APC2: variants seen among roughly 807,000 people sequenced by gnomAD.
APC2 encodes adenomatous polyposis coli protein 2.
A neutral mutation model predicts 72.5 loss-of-function variants in APC2; 41 were observed. That is an observed-to-expected ratio of 0.57 (90% confidence interval 0.44 to 0.73). APC2 has a LOEUF of 0.73. Among genes scored for constraint, APC2 ranks in the 30% least tolerant of loss-of-function variants. APC2 has a pLI of 0.00. For synonymous variants in APC2, 1,898 were observed against 1,612.0 expected (o/e 1.18, Z -4.25); for missense variants, 3,729 against 3,403.4 (o/e 1.10, Z -2.38).
At chr19:1,461,607 C>T in intron 13 of APC2, 1 of 319,368 alleles carries the variant, frequency 3.1e-6, no homozygotes, top group Non-Finnish European at 5.8e-6. Flanking sequence ...AATCCCAGCA[C>T]TTTGGGAGGC....
chr19:1,448,977 G>A (rs934640153), upstream of APC2, among the ~76,000 whole-genome samples: 1 of 152,216 alleles, frequency 6.6e-6, no homozygotes, highest in African/African-American at 2.4e-5. Flanking sequence ...CAGCCAGGCC[G>A]AAGGGCTCTC....
Position 1,466,354 on chromosome 19 carries a change from G to A in APC2, c.3053G>A (p.Gly1018Glu). The change falls in exon 15 of 15, where the codon GGG (glycine) becomes GAG (glutamate). Residue 1018 changes from glycine (G) to glutamate (E), a missense_variant. Physicochemically the swap from Gly to Glu is moderately conservative, Grantham distance 98. Transcript: ENST00000590469. ...AGGGCGGGTGCAGAGCCCCTCGCGG[G>A]GCCTGGAATCTCTCCAGGGGCCCGG... ...ASRAGAEPLA[G>E]PGISPGARKQ... The A allele has an allele frequency of 3.2e-6, 5 of 1,565,146 alleles. No homozygotes were observed. Among genetic ancestry groups the A allele is most frequent in the Non-Finnish European group, 4.3e-6 (5 of 1,158,646 alleles).
At chr19:1,457,400 C>A in intron 9 of APC2, 157 bp downstream of exon 9, 2 of 1,157,024 alleles carry the variant, frequency 1.7e-6, no homozygotes, top group Non-Finnish European at 2.3e-6. Flanking sequence ...GGGCATTTGA[C>A]GTTGGGAAAA....
At position 1,467,432 on chromosome 19, in the gene APC2, GCCCGCC is replaced by G. The variant is rs1041698755; in HGVS notation, c.4134_4139del (p.Pro1382_Ala1383del). 44 of 1,480,166 alleles carry G rather than the reference GCCCGCC, an allele frequency of 3.0e-5. No individual in the cohort carries two copies. Among genetic ancestry groups the G allele is most frequent in the Non-Finnish European group, 3.1e-5 (35 of 1,119,914 alleles). The allele number at this position is 1,480,166 out of a possible 1,614,324, so 91.7% of individuals were successfully genotyped here. A position where few individuals can be genotyped will look rare whatever the true frequency, so the allele number is the denominator to read the frequency against. On this transcript the variant is annotated inframe_deletion, in exon 15 of 15. Coordinates refer to ENST00000590469, the MANE Select transcript of APC2 (RefSeq NM_005883.3). ...TCCCCGTGCCCGTCTACATGTTGGT[GCCCGCC>G]CCGGCCCCGGCCCAGGAGGACGACT... is the stretch of plus-strand genomic sequence containing the variant.
In APC2 at chr19:1,460,834, T is replaced by C; in HGVS notation, c.1498T>C (p.Ser500Pro). 3 of 1,613,158 alleles carry C rather than the reference T, an allele frequency of 1.9e-6. No homozygotes were observed. The highest frequency in any genetic ancestry group is 2.2e-5 in the East Asian group (1 of 44,876). The change falls in exon 12 of 15, where the codon TCC becomes CCC. Residue 500 changes from serine to proline, a missense_variant. Transcript: ENST00000590469. ...CMEAIVAQLA[S>P]DSEELHQVVS... is the part of the protein sequence containing the mutation. ...GGAGGCCATCGTGGCCCAGCTGGCCTCCGACAGTGAGGAGCTCCACCAGGT... is the reference window on the plus strand; with the variant it reads ...GGAGGCCATCGTGGCCCAGCTGGCCCCCGACAGTGAGGAGCTCCACCAGGT...
At chr19:1,459,452 A>G (rs1390725548) in intron 10 of APC2, among the ~76,000 whole-genome samples, 1 of 152,112 alleles carries the variant, frequency 6.6e-6, no homozygotes, top group Non-Finnish European at 1.5e-5. Flanking sequence ...TTGTCCTCCT[A>G]TGGATGCTCT....
chr19:1,469,822 C>A lies in APC2; in HGVS notation c.6521C>A (p.Pro2174His), dbSNP rs575190796. Residue 2174 changes from proline to histidine, a missense_variant, in exon 15 of 15, where the codon CCC becomes CAC. Coordinates refer to ENST00000590469, the MANE Select transcript of APC2 (RefSeq NM_005883.3). ...ATALPLRGST[P>H]EDAPAGPPPR... is the part of the protein sequence containing the mutation. ...GCCCTGCCACTGCGGGGCTCCACGC[C>A]CGAGGACGCCCCGGCCGGGCCCCCG... 4.1e-5 allele frequency: 62 copies of A among 1,521,448 alleles called. No individual in the cohort carries two copies. In the African/African-American group the frequency reaches 8.7e-4, roughly 21 times the overall value. The allele number at this position is 1,521,448 out of a possible 1,614,324, so 94.2% of individuals were successfully genotyped here. A position where few individuals can be genotyped will look rare whatever the true frequency, so the allele number is the denominator to read the frequency against.
chr19:1,458,183 G>A, intron 10 of APC2, 123 bp downstream of exon 10: 1 of 864,414 alleles, frequency 1.2e-6, no homozygotes. Flanking sequence ...AGCCCGGAGA[G>A]GGACAGACTC....
At position 1,469,795 on chromosome 19, in the gene APC2, C is replaced by T. The variant is rs1310446439; in HGVS notation, c.6494C>T (p.Thr2165Met). The part of the protein sequence containing the change: ...PHILRSTLPA[T>M]ALPLRGSTPE... ...ATCCTGCGCAGCACGCTTCCCGCCA[C>T]GGCCCTGCCACTGCGGGGCTCCACG... The change falls in exon 15 of 15, where the codon ACG (threonine) becomes ATG (methionine). Residue 2165 changes from threonine to methionine, a missense_variant. Coordinates refer to ENST00000590469, the MANE Select transcript of APC2 (RefSeq NM_005883.3). The T allele has an allele frequency of 2.8e-5, 43 of 1,520,818 alleles. No individual in the cohort carries two copies. In the Admixed American group the frequency reaches 8.2e-4, roughly 29 times the overall value. The allele number at this position is 1,520,818 out of a possible 1,614,324, so 94.2% of individuals were successfully genotyped here.
At position 1,470,327 on chromosome 19, in the gene APC2, C is replaced by A. The variant is rs1009577447; in HGVS notation, c.*114C>A. 10 of 1,344,726 alleles carry A rather than the reference C, an allele frequency of 7.4e-6. No homozygotes were observed. The highest frequency in any genetic ancestry group is 9.7e-6 in the Non-Finnish European group (10 of 1,031,924). 83.3% of individuals were successfully genotyped at this position (1,344,726 alleles called of 1,614,324 possible). A position where few individuals can be genotyped will look rare whatever the true frequency, so the allele number is the denominator to read the frequency against. On this transcript the variant is annotated 3_prime_UTR_variant, in exon 15 of 15. Transcript: ENST00000590469. ...TAGGTCGCCCCAGGGCCTCTGCCCA[C>A]CCGAGCCCCACCACTCTCAGAACCC...
At chr19:1,458,407 G>A in intron 10 of APC2, 1 of 268,506 alleles carries the variant, frequency 3.7e-6, no homozygotes, top group Non-Finnish European at 7.1e-6. Flanking sequence ...TTACGTTTGA[G>A]GACATTGCAA....
chr19:1,456,047 A>G (rs762596865), intron 6 of APC2, 29 bp from the exon 7 acceptor site: 50 of 1,520,968 alleles, frequency 3.3e-5, no homozygotes, highest in Non-Finnish European at 2.3e-5. Flanking sequence ...GGTCAGCTCC[A>G]GCACTTGCCC....
intron 4 of APC2, 38 bp from the exon 5 acceptor site, chr19:1,455,111 C>T (rs201259845): frequency 1.6e-5 from 22 of 1,383,046 alleles, no homozygotes; most frequent in Admixed American, 2.5e-5. Flanking sequence ...ACACACGGCG[C>T]CGCCCTCTGA....
chr19:1,459,561 T>TC (rs1346925012), intron 10 of APC2, among the ~76,000 whole-genome samples: 2 of 152,174 alleles, frequency 1.3e-5, no homozygotes, highest in African/African-American at 4.8e-5. Flanking sequence ...CTAACTCACT[T>TC]CCCCAAAGGG....
intron 9 of APC2, 70 bp from the exon 10 acceptor site, chr19:1,457,895 C>CCGGGGTGGGGG (rs374378343): frequency 8.1e-7 from 1 of 1,233,430 alleles, no homozygotes; most frequent in African/African-American, 2.8e-5. Flanking sequence ...GGGCGGGTTG[C>CCGGGGTGGGGG]GGGACCTTCG....
At chr19:1,454,356 T>G (rs2083784918) in intron 4 of APC2, among the ~76,000 whole-genome samples, 1 of 120,126 alleles carries the variant, frequency 8.3e-6, no homozygotes, top group African/African-American at 3.8e-5. Flanking sequence ...CCAAAGGAAT[T>G]GCTTTCTCTT....
At chr19:1,464,003 C>T (rs1361483284) in intron 14 of APC2, among the ~76,000 whole-genome samples, 6 of 151,684 alleles carry the variant, frequency 4.0e-5, no homozygotes, top group African/African-American at 7.3e-5. Context: ...GGTGAAACTC[C>T]GTCTCTAATA....
intron 1 of APC2, among the ~76,000 whole-genome samples, chr19:1,451,079 T>C (rs1164789676): frequency 6.6e-6 from 1 of 152,018 alleles, no homozygotes; most frequent in African/African-American, 2.4e-5. Flanking sequence ...TGGCTGTGCA[T>C]GGGGGACTGT....
Position 1,468,884 on chromosome 19 carries a change from C to A in APC2, c.5583C>A (p.Ser1861Arg). 6.5e-7 allele frequency: 1 copy of A among 1,530,842 alleles called. No homozygotes were observed. The highest frequency in any genetic ancestry group is 8.7e-7 in the Non-Finnish European group (1 of 1,146,252). The allele number at this position is 1,530,842 out of a possible 1,614,324, so 94.8% of individuals were successfully genotyped here. A position where few individuals can be genotyped will look rare whatever the true frequency, so the allele number is the denominator to read the frequency against. ...CGACGCTGAGCCAGCCCCCCAGAAG[C>A]GCCACACCGCCCGCCCGCCTCGCCA... ...ELATLSQPPRSATPPARLAKT... is the reference protein window; with the variant it reads ...ELATLSQPPRRATPPARLAKT... Residue 1861 changes from serine to arginine, a missense_variant, in exon 15 of 15, where the codon AGC becomes AGA. Transcript: ENST00000590469.
Sources: allele counts gnomAD v4.1 joint callset (sites outside exome capture counted in the v4.1 genomes callset), GRCh38; gene constraint gnomAD v4.1.1; transcripts MANE v1.5; gene names NCBI Gene and HGNC (gene_info 2026-07-23, HGNC 2026-07-21).